Variants in SMIM13 observed in about 807,000 individuals in gnomAD.
SMIM13 encodes the protein UPF0766 protein C6orf228.
SMIM13 carries 3 observed loss-of-function variants against 5.9 expected under a neutral mutation model. The ratio of observed to expected loss-of-function variants is 0.51; its 90% confidence interval spans 0.23 to 1.31. The LOEUF (loss-of-function observed/expected upper bound fraction) is 1.31, where lower values mean the gene tolerates loss of function less well. Among genes scored for constraint, SMIM13 ranks in the 40% most tolerant of loss-of-function variants. The pLI is 0.18. For synonymous variants in SMIM13, 55 were observed against 46.0 expected (o/e 1.19, Z -0.79); for missense variants, 85 against 109.9 (o/e 0.77, Z 1.01).
Position 11,094,303 on chromosome 6 carries a change from C to T in SMIM13, c.-11C>T. 1.4e-6 allele frequency: 2 copies of T among 1,469,150 alleles called. No individual in the cohort carries two copies. Among genetic ancestry groups the T allele is most frequent in the Non-Finnish European group, 1.8e-6 (2 of 1,105,476 alleles). The allele number at this position is 1,469,150 out of a possible 1,614,324, so 91.0% of individuals were successfully genotyped here. A position where few individuals can be genotyped will look rare whatever the true frequency, so the allele number is the denominator to read the frequency against. On this transcript the variant is annotated 5_prime_UTR_variant, in exon 1 of 2. Coordinates refer to ENST00000416247, the MANE Select transcript of SMIM13 (RefSeq NM_001135575.2). ...CAGCCGCCCCGAGCCGACTGCCCTT[C>T]TGCCCCCAAGATGTGGCACAGCGTC...
intron 1 of SMIM13, chr6:11,105,167 G>A: frequency 1.9e-6 from 3 of 1,614,210 alleles, no homozygotes; most frequent in Non-Finnish European, 2.5e-6. Context: ...CAGTGGAAGA[G>A]CTAGTACATA....
At chr6:11,097,589 AC>A (rs1401320536) in intron 1 of SMIM13, among the ~76,000 whole-genome samples, 1 of 150,760 alleles carries the variant, frequency 6.6e-6, no homozygotes, top group Non-Finnish European at 1.5e-5. Flanking sequence ...AACTGCTTGA[AC>A]CCAGTAGGTG....
At chr6:11,101,937 A>G (rs1166244309) in intron 1 of SMIM13, among the ~76,000 whole-genome samples, 3 of 152,042 alleles carry the variant, frequency 2.0e-5, no homozygotes, top group African/African-American at 7.3e-5. Context: ...ACAGGGTTTC[A>G]CTATGTTGGC....
intron 1 of SMIM13, among the ~76,000 whole-genome samples, chr6:11,107,381 T>A (rs1758102763): frequency 6.6e-6 from 1 of 152,208 alleles, no homozygotes; most frequent in Non-Finnish European, 1.5e-5. Flanking sequence ...AGATGTTGGA[T>A]TCCCAGTTCT....
chr6:11,126,162 G>A (rs1297550145), intron 1 of SMIM13, among the ~76,000 whole-genome samples: 2 of 152,170 alleles, frequency 1.3e-5, no homozygotes, highest in Admixed American at 6.5e-5. Context: ...CAATTCTCCT[G>A]CCTCAGCCTC....
In SMIM13 at chr6:11,133,974, T is replaced by A. The variant is rs183723030; in HGVS notation, c.77-429T>A. 5.2e-4 allele frequency among the ~76,000 whole-genome samples: 79 copies of A among 152,294 alleles called. No homozygotes were observed. The Middle Eastern group carries it at 0.024, about 46-fold the overall frequency. The stretch of plus-strand genomic sequence containing the variant: ...TTTTCATCATAGTGCAGTTAAGTCC[T>A]GCTGTTTAAGGCCTTATGGATTCTG... On this transcript the variant is annotated intron_variant, in intron 1 of 1. Coordinates refer to ENST00000416247, the MANE Select transcript of SMIM13 (RefSeq NM_001135575.2).
chr6:11,117,166 T>C (rs1403597379), intron 1 of SMIM13, among the ~76,000 whole-genome samples: 2 of 88,884 alleles, frequency 2.3e-5, no homozygotes, highest in African/African-American at 5.5e-5. Context: ...AATTTTTGTA[T>C]TTTTTTTTTT....
At chr6:11,123,730 AATAC>A (rs1298332927) in intron 1 of SMIM13, among the ~76,000 whole-genome samples, 13 of 152,346 alleles carry the variant, frequency 8.5e-5, no homozygotes, top group African/African-American at 2.4e-4. Flanking sequence ...ATGATATTTC[AATAC>A]ATACATATAA....
rs142165930 is a variant in SMIM13, at chr6:11,095,200, A to G, written c.76+811A>G. On this transcript the variant is annotated intron_variant, in intron 1 of 1. Coordinates refer to ENST00000416247, the MANE Select transcript of SMIM13 (RefSeq NM_001135575.2). ...AAGACTGAAGTATGGGTTCAGGTTG[A>G]TGTAATAATGGGTCAGAATTCATAC... Among the ~76,000 whole-genome samples, 897 of 152,366 alleles carry G rather than the reference A, an allele frequency of 5.9e-3. 3 individuals are homozygous for G. Among genetic ancestry groups the G allele is most frequent in the South Asian group, 0.024 (117 of 4,832 alleles).
At chr6:11,126,481 G>T (rs923079008) in intron 1 of SMIM13, among the ~76,000 whole-genome samples, 4 of 152,174 alleles carry the variant, frequency 2.6e-5, no homozygotes, top group Admixed American at 1.3e-4. Context: ...ATTTCTGCTT[G>T]ATTTAAAAAA....
chr6:11,137,661 C>G lies in SMIM13; in HGVS notation c.*3059C>G, dbSNP rs1758533013. 6.6e-6 allele frequency: 1 copy of G among 152,124 alleles called. No individual in the cohort carries two copies. The highest frequency in any genetic ancestry group is 2.1e-4 in the South Asian group (1 of 4,818). The allele number at this position is 152,124 out of a possible 1,614,324, so 9.4% of individuals were successfully genotyped here. A position where few individuals can be genotyped will look rare whatever the true frequency, so the allele number is the denominator to read the frequency against. Reference sequence around the variant, plus strand: ...TTCCTTCCCAACCAGCCATTCATTTCCAATTGTTCTGCCTTTGAAACTTTT... The same window carrying G: ...TTCCTTCCCAACCAGCCATTCATTTGCAATTGTTCTGCCTTTGAAACTTTT... On this transcript the variant is annotated 3_prime_UTR_variant, in exon 2 of 2. Coordinates refer to ENST00000416247, the MANE Select transcript of SMIM13 (RefSeq NM_001135575.2).
At chr6:11,101,032 CT>C (rs200622017) in intron 1 of SMIM13, among the ~76,000 whole-genome samples, 29,429 of 127,296 alleles carry the variant, frequency 0.23, 2,749 homozygotes, top group East Asian at 0.43. Flanking sequence ...TCTCCATTTT[CT>C]TTTTTTTTTT....
chr6:11,129,202 G>A (rs115280691), intron 1 of SMIM13, among the ~76,000 whole-genome samples: 1,674 of 151,862 alleles, frequency 0.011, 31 homozygotes, highest in African/African-American at 0.038. Flanking sequence ...AACACTTCCC[G>A]GACTCCGATA....
At chr6:11,124,690 A>G (rs752621804) in intron 1 of SMIM13, among the ~76,000 whole-genome samples, 2 of 152,190 alleles carry the variant, frequency 1.3e-5, no homozygotes, top group African/African-American at 2.4e-5. Flanking sequence ...GTTATTGTCT[A>G]TCCTTTGGAT....
intron 1 of SMIM13, among the ~76,000 whole-genome samples, chr6:11,100,780 A>G (rs1483853212): frequency 2.6e-5 from 4 of 152,146 alleles, no homozygotes; most frequent in African/African-American, 9.7e-5. Context: ...TGGTTACCCC[A>G]TTGATTTCTT....
At chr6:11,102,744 T>C (rs1758013714) in intron 1 of SMIM13, 1 of 152,218 alleles carries the variant, frequency 6.6e-6, no homozygotes, top group Non-Finnish European at 1.5e-5. Context: ...GGAACCTAAA[T>C]GGTGGAACTG....
At chr6:11,130,483 A>G (rs1274088321) in intron 1 of SMIM13, among the ~76,000 whole-genome samples, 1 of 152,164 alleles carries the variant, frequency 6.6e-6, no homozygotes, top group Admixed American at 6.5e-5. Context: ...AGATTTGAGG[A>G]TAAAAATTAC....
intron 1 of SMIM13, among the ~76,000 whole-genome samples, chr6:11,124,444 C>T (rs1758350405): frequency 6.6e-6 from 1 of 152,156 alleles, no homozygotes; most frequent in South Asian, 2.1e-4. Flanking sequence ...GTGAATAGTA[C>T]TGCAGTAAAC....
rs1757890770 is a variant in SMIM13, at chr6:11,094,211, A to G, written c.-103A>G. The G allele has an allele frequency of 2.2e-6, 1 of 449,076 alleles. No individual in the cohort carries two copies. The highest frequency in any genetic ancestry group is 8.9e-5 in the South Asian group (1 of 11,298). The allele number at this position is 449,076 out of a possible 1,614,324, so 27.8% of individuals were successfully genotyped here. ...AGCCGCCCATGCCGCCCCGGCGCCCAGCCGCGCCTGGCGCCCGCCGCTGAA... is the reference window on the plus strand; with the variant it reads ...AGCCGCCCATGCCGCCCCGGCGCCCGGCCGCGCCTGGCGCCCGCCGCTGAA... On this transcript the variant is annotated 5_prime_UTR_variant, in exon 1 of 2. Transcript: ENST00000416247.
Sources: allele counts gnomAD v4.1 joint callset (sites outside exome capture counted in the v4.1 genomes callset), GRCh38; gene constraint gnomAD v4.1.1; transcripts MANE v1.5; gene names NCBI Gene and HGNC (gene_info 2026-07-23, HGNC 2026-07-21).